The following SEMA6A variants were observed in gnomAD, a reference collection of about 807,000 sequenced individuals.
SEMA6A encodes the protein semaphorin-6A.
A neutral mutation model predicts 96.8 loss-of-function variants in SEMA6A; 25 were observed. That is an observed-to-expected ratio of 0.26 (90% CI 0.19 to 0.36). SEMA6A has a LOEUF of 0.36. Ranked by LOEUF, SEMA6A falls within the 10% of genes least tolerant of loss-of-function variation. SEMA6A has a pLI of 1.00. For missense variants in SEMA6A, 1,363 were observed against 1,323.1 expected, an observed-to-expected ratio of 1.03 and a Z score of -0.47; for synonymous variants, 612 against 518.0, an observed-to-expected ratio of 1.18 and a Z score of -2.46.
intron 1 of SEMA6A, among the ~76,000 whole-genome samples, chr5:116,530,345 C>A (rs1391615908): frequency 6.6e-6 from 1 of 152,132 alleles, no homozygotes; most frequent in Non-Finnish European, 1.5e-5. Flanking sequence ...TATGCATGGT[C>A]TTAATTTTTA....
At chr5:116,509,010 AC>A (rs553570806) in intron 1 of SEMA6A, among the ~76,000 whole-genome samples, 85 of 152,268 alleles carry the variant, frequency 5.6e-4, no homozygotes, top group Admixed American at 6.5e-4. Flanking sequence ...ATTAATGAAC[AC>A]TGCTTGTTTT....
intron 6 of SEMA6A, among the ~76,000 whole-genome samples, 157 bp downstream of exon 6, chr5:116,495,256 G>A (rs1038073349): frequency 3.3e-5 from 5 of 152,214 alleles, no homozygotes; most frequent in Non-Finnish European, 5.9e-5. Context: ...TTAGAAGCCT[G>A]CTTAGGATCA....
chr5:116,504,169 T>C (rs1458852563), intron 2 of SEMA6A, among the ~76,000 whole-genome samples: 1 of 152,186 alleles, frequency 6.6e-6, no homozygotes, highest in African/African-American at 2.4e-5. Context: ...AAATGCTCTC[T>C]TACATTTTTA....
At chr5:116,516,415 T>G (rs1262171387) in intron 1 of SEMA6A, among the ~76,000 whole-genome samples, 4 of 152,348 alleles carry the variant, frequency 2.6e-5, no homozygotes, top group African/African-American at 9.6e-5. Context: ...AAGCCTGCTT[T>G]ATGTCTCAGT....
At chr5:116,521,807 T>G (rs894709591) in intron 1 of SEMA6A, among the ~76,000 whole-genome samples, 1 of 151,620 alleles carries the variant, frequency 6.6e-6, no homozygotes, top group Non-Finnish European at 1.5e-5. Context: ...TTTTTGTTTC[T>G]GAGAAAAACA....
At chr5:116,489,925 T>A (rs2112726978) in intron 7 of SEMA6A, among the ~76,000 whole-genome samples, 1 of 152,312 alleles carries the variant, frequency 6.6e-6, no homozygotes, top group African/African-American at 2.4e-5. Flanking sequence ...AATAAAAAAA[T>A]TACTTCCGTG....
In SEMA6A at chr5:116,543,500, G is replaced by A. The variant is rs567146020; in HGVS notation, c.-39+30685C>T. Among the ~76,000 whole-genome samples the A allele has an allele frequency of 2.9e-4, 44 of 152,292 alleles. 1 individual carries two copies. In the South Asian group the frequency reaches 9.1e-3, roughly 32 times the overall value. The stretch of plus-strand genomic sequence containing the variant: ...ACATAACTGGCTACATAGAAATACT[G>A]ACTAATATAAAAACAATGCTTATCT... On this transcript the variant is annotated intron_variant, in intron 1 of 18. Coordinates refer to ENST00000343348, the MANE Select transcript of SEMA6A (RefSeq NM_020796.5).
chr5:116,457,773 A>G (rs753093978), intron 18 of SEMA6A, among the ~76,000 whole-genome samples: 3 of 152,146 alleles, frequency 2.0e-5, no homozygotes, highest in Non-Finnish European at 4.4e-5. Context: ...AGAGATTTAC[A>G]TATGATGAGG....
At chr5:116,555,324 T>C (rs1760566538) in intron 1 of SEMA6A, among the ~76,000 whole-genome samples, 1 of 152,154 alleles carries the variant, frequency 6.6e-6, no homozygotes, top group Non-Finnish European at 1.5e-5. Context: ...CTCAGTGAAG[T>C]AGGGGTGAAG....
chr5:116,479,359 T>C (rs1369731016), intron 12 of SEMA6A, among the ~76,000 whole-genome samples: 1 of 152,212 alleles, frequency 6.6e-6, no homozygotes, highest in African/African-American at 2.4e-5. Context: ...GGGGACCTAG[T>C]TGTCCTAAGC....
At chr5:116,477,760 G>C (rs1756531411) in intron 15 of SEMA6A, 86 bp downstream of exon 15, 1 of 1,291,690 alleles carries the variant, frequency 7.7e-7, no homozygotes, top group Non-Finnish European at 1.1e-6. Flanking sequence ...CTGTGTGGTG[G>C]TGTGTGTGAG....
intron 18 of SEMA6A, among the ~76,000 whole-genome samples, chr5:116,466,777 C>T (rs1755784068): frequency 6.6e-6 from 1 of 152,110 alleles, no homozygotes. Context: ...AACAGCTCAG[C>T]AACATAACTG....
At chr5:116,486,182 A>G (rs912134404) in intron 10 of SEMA6A, among the ~76,000 whole-genome samples, 2 of 152,208 alleles carry the variant, frequency 1.3e-5, no homozygotes, top group African/African-American at 2.4e-5. Flanking sequence ...TTTGTTGGAC[A>G]GGTTAATAAC....
intron 1 of SEMA6A, among the ~76,000 whole-genome samples, chr5:116,560,545 T>G (rs1193102783): frequency 6.6e-6 from 1 of 151,766 alleles, no homozygotes; most frequent in Non-Finnish European, 1.5e-5. Context: ...TGCAGTCTAT[T>G]TCATTCCTTG....
chr5:116,516,166 A>G (rs1463012062), intron 1 of SEMA6A, among the ~76,000 whole-genome samples: 1 of 152,176 alleles, frequency 6.6e-6, no homozygotes, highest in Admixed American at 6.5e-5. Flanking sequence ...ATTTGATTAC[A>G]AGCTTCTGAT....
chr5:116,461,773 CCTTTTGGTGTG>C (rs1755413006), intron 18 of SEMA6A, among the ~76,000 whole-genome samples: 2 of 151,998 alleles, frequency 1.3e-5, no homozygotes, highest in Admixed American at 1.3e-4. Flanking sequence ...GTCATAAAGG[CCTTTTGGTGTG>C]CTTTTGTGTC....
intron 1 of SEMA6A, among the ~76,000 whole-genome samples, chr5:116,534,620 C>T (rs1759630698): frequency 6.6e-6 from 1 of 152,216 alleles, no homozygotes; most frequent in Non-Finnish European, 1.5e-5. Flanking sequence ...AGCCCCTCCT[C>T]ACCACACTGC....
At chr5:116,570,520 G>A (rs1761170873) in intron 1 of SEMA6A, among the ~76,000 whole-genome samples, 1 of 152,216 alleles carries the variant, frequency 6.6e-6, no homozygotes, top group African/African-American at 2.4e-5. Context: ...GTGGAGAGGG[G>A]CAGTGCAGAG....
chr5:116,499,500 A>T (rs982175438), intron 3 of SEMA6A, among the ~76,000 whole-genome samples: 1 of 152,214 alleles, frequency 6.6e-6, no homozygotes, highest in Non-Finnish European at 1.5e-5. Context: ...TCTCAGAGCA[A>T]TGTTGAGAAG....
Sources: gnomAD v4.1 joint callset for allele counts (sites outside exome capture counted in the v4.1 genomes callset) on GRCh38, gnomAD v4.1.1 for gene constraint, MANE v1.5 for transcripts, NCBI Gene and HGNC (gene_info 2026-07-23, HGNC 2026-07-21) for gene names.